Variants in TMEM170A observed in about 807,000 individuals in gnomAD.
TMEM170A encodes the protein transmembrane protein 170A.
In TMEM170A, 18 loss-of-function variants were observed where a neutral mutation model predicts 12.8. The ratio of observed to expected loss-of-function variants is 1.41; its 90% CI spans 0.97 to 2.09. The LOEUF is 2.09. TMEM170A is among the 30% of genes most tolerant of loss of function. TMEM170A has a pLI of 0.00. For synonymous variants in TMEM170A, 107 were observed against 76.2 expected (o/e 1.40, Z -2.11); for missense variants, 220 against 179.9 (o/e 1.22, Z -1.28).
intron 1 of TMEM170A, among the ~76,000 whole-genome samples, chr16:75,452,314 G>A (rs574679689): frequency 6.6e-6 from 1 of 152,094 alleles, no homozygotes; most frequent in South Asian, 2.1e-4. Context: ...CGTCACCCAG[G>A]CTGCAGTGCA....
intron 2 of TMEM170A, chr16:75,451,435 G>C: frequency 1.7e-6 from 1 of 601,174 alleles, no homozygotes; most frequent in Non-Finnish European, 2.9e-6. Context: ...TGTAGTCCAA[G>C]CTTCTTGGGA....
rs914265781 is a variant in TMEM170A at position 75,443,707 on chromosome 16, C to T, written c.*3851G>A. 6 of 152,130 alleles carry T rather than the reference C, an allele frequency of 3.9e-5. No individual in the cohort carries two copies. Among genetic ancestry groups the T allele is most frequent in the Admixed American group, 1.3e-4 (2 of 15,282 alleles). The allele number at this position is 152,130 out of a possible 1,614,324, so 9.4% of individuals were successfully genotyped here. A position where few individuals can be genotyped will look rare whatever the true frequency, so the allele number is the denominator to read the frequency against. On this transcript the variant is annotated 3_prime_UTR_variant, in exon 3 of 3. Transcript: ENST00000561878. ...TAATATTTTGTGGTCACAAAAAAAG[C>T]ACAGATACCTCTTTTAGAATATTCA...
At chr16:75,461,136 C>T (rs2079898533) in intron 1 of TMEM170A, among the ~76,000 whole-genome samples, 1 of 152,140 alleles carries the variant, frequency 6.6e-6, no homozygotes, top group Admixed American at 6.5e-5. Context: ...TCACTGCAAC[C>T]TCCCCCTCCC....
intron 1 of TMEM170A, chr16:75,458,562 T>C (rs1188982650): frequency 6.6e-6 from 1 of 152,216 alleles, no homozygotes; most frequent in Non-Finnish European, 1.5e-5. Flanking sequence ...GGCCTCTAAA[T>C]GCTGGAAAAG....
chr16:75,457,429 C>A (rs1030262), intron 1 of TMEM170A, among the ~76,000 whole-genome samples: 79,584 of 151,966 alleles, frequency 0.52, 21,712 homozygotes, highest in Admixed American at 0.64. Context: ...GATTCTCAAT[C>A]TCTTGATACC....
rs942399501 is a variant in TMEM170A at position 75,445,117 on chromosome 16, T to C, written c.*2441A>G. ...AAGAAAAGTTACCAATTCCCCAGAT[T>C]TCTTAAACTGAAGGGATACTTTTGA... On this transcript the variant is annotated 3_prime_UTR_variant, in exon 3 of 3. Transcript: ENST00000561878. The C allele has an allele frequency of 1.3e-5, 2 of 152,308 alleles. No homozygotes were observed. Among genetic ancestry groups the C allele is most frequent in the African/African-American group, 4.8e-5 (2 of 41,574 alleles). The allele number at this position is 152,308 out of a possible 1,614,324, so 9.4% of individuals were successfully genotyped here.
chr16:75,447,818 GA>G, intron 2 of TMEM170A, 130 bp from the exon 3 acceptor site: 1 of 1,107,652 alleles, frequency 9.0e-7, no homozygotes, highest in South Asian at 1.7e-5. Context: ...AAATCTTACA[GA>G]AATGTTAGGT....
intron 1 of TMEM170A, among the ~76,000 whole-genome samples, chr16:75,462,873 G>C (rs569924109): frequency 6.6e-6 from 1 of 152,278 alleles, no homozygotes; most frequent in South Asian, 2.1e-4. Flanking sequence ...TCAGTTTCTT[G>C]GATGTGATAT....
In TMEM170A at chr16:75,443,537, T is replaced by A. The variant is rs1223542171; in HGVS notation, c.*4021A>T. On this transcript the variant is annotated 3_prime_UTR_variant, in exon 3 of 3. Transcript: ENST00000561878. ...AAGGTTGATATGTGCTGCAGCATAA[T>A]AGGAACTTAATTCAAACCAGAGCAA... 4 of 152,094 alleles carry A rather than the reference T, an allele frequency of 2.6e-5. No individual in the cohort carries two copies. Among genetic ancestry groups the A allele is most frequent in the Non-Finnish European group, 5.9e-5 (4 of 68,010 alleles). The allele number at this position is 152,094 out of a possible 1,614,324, so 9.4% of individuals were successfully genotyped here. A position where few individuals can be genotyped will look rare whatever the true frequency, so the allele number is the denominator to read the frequency against.
chr16:75,455,585 T>C (rs1597446849), intron 1 of TMEM170A, among the ~76,000 whole-genome samples: 1 of 152,010 alleles, frequency 6.6e-6, no homozygotes, highest in Non-Finnish European at 1.5e-5. Context: ...ATCCCACCAC[T>C]TGAAGCCAGG....
intron 1 of TMEM170A, among the ~76,000 whole-genome samples, chr16:75,454,596 C>G (rs1364362549): frequency 1.3e-5 from 2 of 152,112 alleles, no homozygotes; most frequent in Non-Finnish European, 2.9e-5. Flanking sequence ...GATCACACCA[C>G]TGCACTCCAG....
In TMEM170A at chr16:75,446,331, C is replaced by G. The variant is rs1249326298; in HGVS notation, c.*1227G>C. ...ACTTAATTTCTGCGATTCTTTCCCT[C>G]TCAAAGAGTCACAGTTTTCAGGCCT... is the stretch of plus-strand genomic sequence containing the variant. On this transcript the variant is annotated 3_prime_UTR_variant, in exon 3 of 3. Transcript: ENST00000561878. The G allele has an allele frequency of 6.6e-6, 1 of 152,058 alleles. No homozygotes were observed. Among genetic ancestry groups the G allele is most frequent in the Non-Finnish European group, 1.5e-5 (1 of 68,020 alleles). 9.4% of individuals were successfully genotyped at this position (152,058 alleles called of 1,614,324 possible). A position where few individuals can be genotyped will look rare whatever the true frequency, so the allele number is the denominator to read the frequency against.
Position 75,444,795 on chromosome 16 carries a change from A to G in TMEM170A, c.*2763T>C. 6.6e-6 allele frequency: 1 copy of G among 152,152 alleles called. No homozygotes were observed. Among genetic ancestry groups the G allele is most frequent in the Admixed American group, 6.6e-5 (1 of 15,258 alleles). The allele number at this position is 152,152 out of a possible 1,614,324, so 9.4% of individuals were successfully genotyped here. ...TCAGTAATTTGAAGATACCTTTTAT[A>G]CGTTTAGTTTTTTAAAAGAGTAGAT... On this transcript the variant is annotated 3_prime_UTR_variant, in exon 3 of 3. Transcript: ENST00000561878.
intron 1 of TMEM170A, 119 bp from the exon 2 acceptor site, chr16:75,451,958 T>G (rs1403547257): frequency 1.0e-6 from 1 of 966,346 alleles, no homozygotes; most frequent in Non-Finnish European, 1.5e-6. Flanking sequence ...TCCTTTTTTT[T>G]GAAAAATTTT....
At chr16:75,458,066 T>C (rs2079831375) in intron 1 of TMEM170A, among the ~76,000 whole-genome samples, 1 of 152,246 alleles carries the variant, frequency 6.6e-6, no homozygotes. Flanking sequence ...TTAATAGCTA[T>C]TTATCGATTG....
chr16:75,455,265 G>A (rs1000396720), intron 1 of TMEM170A, among the ~76,000 whole-genome samples: 2 of 148,946 alleles, frequency 1.3e-5, no homozygotes, highest in Non-Finnish European at 1.5e-5. Flanking sequence ...GCTGAGGCAG[G>A]AGAATAGTGT....
At chr16:75,464,736 G>C (rs2079968586), upstream of TMEM170A, 2 of 1,256,170 alleles carry the variant, frequency 1.6e-6, no homozygotes, top group Non-Finnish European at 2.1e-6. Flanking sequence ...GCGCTGCCAA[G>C]TGACCGTTGC....
At chr16:75,448,435 T>G (rs1455498401) in intron 2 of TMEM170A, among the ~76,000 whole-genome samples, 1 of 152,162 alleles carries the variant, frequency 6.6e-6, no homozygotes, top group Admixed American at 6.6e-5. Context: ...ACCAAGGAAG[T>G]GTACCAAGAA....
Position 75,444,595 on chromosome 16 carries a change from C to A in TMEM170A, c.*2963G>T, listed in dbSNP as rs2079553259. 2 of 152,036 alleles carry A rather than the reference C, an allele frequency of 1.3e-5. No individual in the cohort carries two copies. The highest frequency in any genetic ancestry group is 2.9e-5 in the Non-Finnish European group (2 of 68,024). The allele number at this position is 152,036 out of a possible 1,614,324, so 9.4% of individuals were successfully genotyped here. On this transcript the variant is annotated 3_prime_UTR_variant, in exon 3 of 3. Transcript: ENST00000561878. ...ATATTCTTCCATCTGAGTGACCACCCCCAAATAATTCTATATTTGAGACAT... is the reference window on the plus strand; with the variant it reads ...ATATTCTTCCATCTGAGTGACCACCACCAAATAATTCTATATTTGAGACAT...
Sources: gnomAD v4.1 joint callset for allele counts (sites outside exome capture counted in the v4.1 genomes callset) on GRCh38, gnomAD v4.1.1 for gene constraint, MANE v1.5 for transcripts, NCBI Gene and HGNC (gene_info 2026-07-23, HGNC 2026-07-21) for gene names.